Variants in NELL2 observed in about 807,000 individuals in gnomAD.
NELL2 encodes neural EGFL like 2.
In NELL2, 41 loss-of-function variants were observed where a neutral mutation model predicts 109.6. That is an observed-to-expected ratio of 0.37 (90% CI 0.29 to 0.49). NELL2 has a LOEUF of 0.49. Among genes scored for constraint, NELL2 ranks in the 20% least tolerant of loss-of-function variants. The pLI, the probability that NELL2 is intolerant of heterozygous loss-of-function variation, is 0.98. For synonymous variants in NELL2, 355 were observed against 344.7 expected (o/e 1.03, Z -0.33); for missense variants, 900 against 1,008.3 (o/e 0.89, Z 1.45).
chr12:44,804,034 CAT>C (rs1273665420), intron 3 of NELL2, among the ~76,000 whole-genome samples: 3 of 151,926 alleles, frequency 2.0e-5, no homozygotes, highest in African/African-American at 7.2e-5. Flanking sequence ...TCACTCAAAA[CAT>C]GTAATATCTT....
intron 16 of NELL2, among the ~76,000 whole-genome samples, chr12:44,528,082 A>T (rs1255646296): frequency 8.0e-6 from 1 of 124,798 alleles, no homozygotes; most frequent in East Asian, 2.6e-4. Context: ...TGGGCGACAG[A>T]GCGAGACTCC....
chr12:44,784,949 GCATTC>G (rs1417607875), intron 3 of NELL2, among the ~76,000 whole-genome samples: 5 of 152,184 alleles, frequency 3.3e-5, no homozygotes, highest in African/African-American at 4.8e-5. Context: ...AAAGCTGGAA[GCATTC>G]CCTTTGAAAA....
chr12:44,568,753 C>T (rs1184217133), intron 15 of NELL2, among the ~76,000 whole-genome samples: 1 of 151,810 alleles, frequency 6.6e-6, no homozygotes, highest in East Asian at 1.9e-4. Context: ...TATATATATA[C>T]ATTACACATA....
At chr12:44,800,183 C>A (rs553168921) in intron 3 of NELL2, among the ~76,000 whole-genome samples, 1 of 152,100 alleles carries the variant, frequency 6.6e-6, no homozygotes, top group East Asian at 1.9e-4. Flanking sequence ...TAAATAAGCA[C>A]ATTTTAGTTC....
At chr12:44,709,753 C>A (rs771099076) in intron 11 of NELL2, among the ~76,000 whole-genome samples, 4 of 152,128 alleles carry the variant, frequency 2.6e-5, no homozygotes, top group African/African-American at 9.7e-5. Context: ...TAATAAGATG[C>A]CTAAGTTAGT....
chr12:44,509,050 T>A, intron 19 of NELL2, 66 bp from the exon 20 acceptor site: 1 of 1,320,596 alleles, frequency 7.6e-7, no homozygotes, highest in African/African-American at 1.5e-5. Context: ...ATGATCACAT[T>A]TATTGATTGG....
rs1949076157 is a variant in NELL2 at position 44,696,881 on chromosome 12, G to A, written c.1318+6845C>T. ...AGGCTGTGATTACTAGGCACTTATA[G>A]TTGAGGGAAGTATACACAGATACAT... is the stretch of plus-strand genomic sequence containing the variant. On this transcript the variant is annotated intron_variant, in intron 12 of 19. Transcript: ENST00000429094. Among the ~76,000 whole-genome samples the A allele has an allele frequency of 2.0e-5, 3 of 152,320 alleles. No individual in the cohort carries two copies. The South Asian group carries it at 6.2e-4, about 32-fold the overall frequency.
chr12:44,579,196 C>G (rs553659036), intron 15 of NELL2, among the ~76,000 whole-genome samples: 59 of 152,252 alleles, frequency 3.9e-4, no homozygotes, highest in African/African-American at 1.3e-3. Context: ...GAGCATGCAT[C>G]ACTTTAGATT....
chr12:44,714,660 T>A lies in NELL2; in HGVS notation c.1076A>T (p.Tyr359Phe). 1.3e-6 allele frequency: 2 copies of A among 1,590,994 alleles called. No homozygotes were observed. Among genetic ancestry groups the A allele is most frequent in the East Asian group, 2.3e-5 (1 of 43,968 alleles). Reference sequence around the variant, plus strand: ...GAATAGTCTTCTTACCTTGCACTCATAGAGAACACATACTCCAGAAGAGGA... The same window carrying A: ...GAATAGTCTTCTTACCTTGCACTCAAAGAGAACACATACTCCAGAAGAGGA... ...VYSSSGVCVL[Y>F]ECKDQTMKLV... is the part of the protein sequence containing the mutation. Residue 359 changes from tyrosine (Y) to phenylalanine (F), a missense_variant, in exon 10 of 20, where the codon TAT becomes TTT. By Grantham distance (22) the Tyr-to-Phe change is conservative. Transcript: ENST00000429094.
At chr12:44,814,930 T>C (rs868807364) in intron 3 of NELL2, among the ~76,000 whole-genome samples, 3 of 152,208 alleles carry the variant, frequency 2.0e-5, no homozygotes, top group South Asian at 2.1e-4. Flanking sequence ...AGTTTTTATA[T>C]AGGTAAAGCA....
At chr12:44,866,922 C>A (rs898601993) in intron 2 of NELL2, among the ~76,000 whole-genome samples, 1 of 151,934 alleles carries the variant, frequency 6.6e-6, no homozygotes, top group Non-Finnish European at 1.5e-5. Context: ...TAGACACATA[C>A]AACTTACCAA....
chr12:44,838,978 G>A (rs1239751076), intron 2 of NELL2, among the ~76,000 whole-genome samples: 6 of 152,194 alleles, frequency 3.9e-5, no homozygotes, highest in African/African-American at 1.4e-4. Flanking sequence ...TTCAGCATCT[G>A]AGAAGGAGGA....
intron 10 of NELL2, among the ~76,000 whole-genome samples, chr12:44,713,213 CACAG>C (rs1467179553): frequency 6.7e-5 from 8 of 119,220 alleles, no homozygotes; most frequent in African/African-American, 1.8e-4. Context: ...CACACACACA[CACAG>C]AGAGAGACAG....
At chr12:44,683,896 C>T (rs889464793) in intron 12 of NELL2, among the ~76,000 whole-genome samples, 1 of 152,112 alleles carries the variant, frequency 6.6e-6, no homozygotes, top group African/African-American at 2.4e-5. Context: ...TTGGTTGTGT[C>T]TCTGCCAGGC....
At chr12:44,589,850 A>G (rs1247679399) in intron 15 of NELL2, among the ~76,000 whole-genome samples, 1 of 152,136 alleles carries the variant, frequency 6.6e-6, no homozygotes, top group Non-Finnish European at 1.5e-5. Context: ...TACTTTTTCC[A>G]ACCCACTAAA....
chr12:44,846,858 T>G (rs1566521938), intron 2 of NELL2, among the ~76,000 whole-genome samples: 1 of 152,236 alleles, frequency 6.6e-6, no homozygotes, highest in Non-Finnish European at 1.5e-5. Flanking sequence ...TTTGGTTTAT[T>G]TTAAGTTATA....
At chr12:44,545,014 G>A (rs1314152093) in intron 15 of NELL2, among the ~76,000 whole-genome samples, 1 of 151,812 alleles carries the variant, frequency 6.6e-6, no homozygotes, top group East Asian at 1.9e-4. Flanking sequence ...AAGATCACAA[G>A]TCAAACCACA....
intron 12 of NELL2, among the ~76,000 whole-genome samples, chr12:44,670,614 A>T (rs1024414394): frequency 4.9e-5 from 6 of 122,362 alleles, no homozygotes; most frequent in Non-Finnish European, 1.1e-4. Flanking sequence ...GGACGAAAAA[A>T]AATCCATGCA....
intron 1 of NELL2, among the ~76,000 whole-genome samples, chr12:44,907,250 T>G (rs1233745679): frequency 1.3e-5 from 2 of 152,048 alleles, no homozygotes; most frequent in Non-Finnish European, 2.9e-5. Context: ...GAGAATGGAT[T>G]AATACGAGCT....
Sources: gnomAD v4.1 joint callset for allele counts (sites outside exome capture counted in the v4.1 genomes callset) on GRCh38, gnomAD v4.1.1 for gene constraint, MANE v1.5 for transcripts, NCBI Gene and HGNC (gene_info 2026-07-23, HGNC 2026-07-21) for gene names.